The following FIGLA variants were observed in gnomAD, a reference collection of about 807,000 sequenced individuals.
The protein encoded by FIGLA is factor in the germline alpha.
Under a neutral mutation model 21.5 loss-of-function variants are expected in FIGLA, and 17 were observed. That is an observed-to-expected ratio of 0.79 (90% CI 0.54 to 1.19). The LOEUF is 1.19. Ranked by LOEUF, FIGLA falls within the 50% of genes most tolerant of loss-of-function variation. The pLI, the probability that FIGLA is intolerant of heterozygous loss-of-function variation, is 0.00. For missense variants in FIGLA, 282 were observed against 285.0 expected (o/e 0.99, Z 0.08); for synonymous variants, 129 against 117.6 (o/e 1.10, Z -0.63).
intron 3 of FIGLA, among the ~76,000 whole-genome samples, chr2:70,783,360 C>T (rs1336824001): frequency 6.6e-6 from 1 of 152,250 alleles, no homozygotes; most frequent in African/African-American, 2.4e-5. Context: ...CTGGCTTTTA[C>T]TAGGAAACGT....
chr2:70,787,509 C>G, intron 2 of FIGLA, 140 bp downstream of exon 2: 1 of 927,740 alleles, frequency 1.1e-6, no homozygotes, highest in Admixed American at 2.9e-5. Context: ...CCTTCTCTGT[C>G]AAATAAGGGT....
At chr2:70,778,309 C>G (rs1553388636) in intron 3 of FIGLA, among the ~76,000 whole-genome samples, 1 of 152,118 alleles carries the variant, frequency 6.6e-6, no homozygotes, top group Non-Finnish European at 1.5e-5. Context: ...GTTTGTATAG[C>G]ACAGGGTGGT....
At position 70,790,459 on chromosome 2, in the gene FIGLA, G is replaced by C. The variant is rs575091555; in HGVS notation, c.180C>G (p.Leu60=). The change falls in exon 1 of 5, where the codon CTC becomes CTG. Residue 60 remains leucine (L), a synonymous_variant. Transcript: ENST00000332372. ...PSGGYSSTEN[L]QLVLERRRVA... is the part of the protein sequence containing the mutation. ...CACGCCGCCGCTCCAGCACCAACTG[G>C]AGGTTTTCAGTGGACGAGTAGCCGC... 3 of 1,545,320 alleles carry C rather than the reference G, an allele frequency of 1.9e-6. No individual in the cohort carries two copies. The African/African-American group carries it at 4.1e-5, about 21-fold the overall frequency.
chr2:70,784,479 T>C (rs2104599737), intron 3 of FIGLA, among the ~76,000 whole-genome samples: 1 of 152,344 alleles, frequency 6.6e-6, no homozygotes, highest in East Asian at 1.9e-4. Flanking sequence ...ACAATTATTA[T>C]ACCCATTGCT....
intron 3 of FIGLA, among the ~76,000 whole-genome samples, chr2:70,783,821 TTGAG>T (rs1198500916): frequency 6.6e-6 from 1 of 151,832 alleles, no homozygotes; most frequent in African/African-American, 2.4e-5. Flanking sequence ...CCTCAGCCTC[TTGAG>T]TGAGTAACTG....
intron 3 of FIGLA, among the ~76,000 whole-genome samples, chr2:70,778,760 A>C (rs1644156640): frequency 6.6e-6 from 1 of 152,242 alleles, no homozygotes; most frequent in Admixed American, 6.5e-5. Flanking sequence ...TCTAAGCCAA[A>C]GAGTTTAAGG....
At chr2:70,780,060 C>T (rs1040169103) in intron 3 of FIGLA, among the ~76,000 whole-genome samples, 3 of 152,174 alleles carry the variant, frequency 2.0e-5, no homozygotes, top group Non-Finnish European at 4.4e-5. Flanking sequence ...TCATGGCTCA[C>T]GGCCCTCTCT....
At chr2:70,783,686 G>A (rs1675896785) in intron 3 of FIGLA, among the ~76,000 whole-genome samples, 2 of 151,476 alleles carry the variant, frequency 1.3e-5, no homozygotes, top group African/African-American at 2.4e-5. Context: ...CAGGCTCAAG[G>A]TCTAGCTCAG....
chr2:70,789,848 T>G (rs1435122704), intron 1 of FIGLA, among the ~76,000 whole-genome samples: 1 of 152,072 alleles, frequency 6.6e-6, no homozygotes, highest in Non-Finnish European at 1.5e-5. Flanking sequence ...TGGGAAACAC[T>G]CACTTTATCT....
intron 3 of FIGLA, among the ~76,000 whole-genome samples, chr2:70,778,445 C>A (rs1675800762): frequency 6.6e-6 from 1 of 151,776 alleles, no homozygotes; most frequent in African/African-American, 2.4e-5. Flanking sequence ...ATCAACATTT[C>A]TTTCTTTTTA....
chr2:70,784,131 T>A (rs368386557), intron 3 of FIGLA, among the ~76,000 whole-genome samples: 1 of 152,140 alleles, frequency 6.6e-6, no homozygotes, highest in Non-Finnish European at 1.5e-5. Flanking sequence ...ACTGAGCATA[T>A]GCACAAATGA....
At chr2:70,789,042 G>C (rs1676008012) in intron 1 of FIGLA, among the ~76,000 whole-genome samples, 2 of 152,164 alleles carry the variant, frequency 1.3e-5, no homozygotes, top group South Asian at 4.1e-4. Flanking sequence ...TTTTTGGACA[G>C]ACTATGCAGT....
At chr2:70,783,215 C>T (rs909801895) in intron 3 of FIGLA, among the ~76,000 whole-genome samples, 15 of 152,186 alleles carry the variant, frequency 9.9e-5, no homozygotes, top group African/African-American at 3.6e-4. Flanking sequence ...CTATAAAAAT[C>T]TCAAACGTCG....
In FIGLA at chr2:70,788,773, A is replaced by G. The variant is rs1167268457; in HGVS notation, c.232-972T>C. 5.3e-5 allele frequency among the ~76,000 whole-genome samples: 8 copies of G among 152,356 alleles called. No homozygotes were observed. The East Asian group carries it at 1.3e-3, about 26-fold the overall frequency. On this transcript the variant is annotated intron_variant, in intron 1 of 4. Coordinates refer to ENST00000332372, the MANE Select transcript of FIGLA (RefSeq NM_001004311.3). ...TTTTTGTTTTATCATACCCAGGATA[A>G]GGGATAGCTTGAAAAAGAGAACAGT...
intron 3 of FIGLA, among the ~76,000 whole-genome samples, chr2:70,784,940 C>A (rs1177329635): frequency 3.2e-5 from 3 of 94,900 alleles, no homozygotes; most frequent in African/African-American, 5.5e-5. Context: ...CACCACCCCC[C>A]ACCACAAAAA....
At chr2:70,786,336 G>A (rs1050220896) in intron 2 of FIGLA, among the ~76,000 whole-genome samples, 5 of 150,722 alleles carry the variant, frequency 3.3e-5, no homozygotes, top group African/African-American at 9.8e-5. Flanking sequence ...ACAGAGTCTC[G>A]CTCTGTTGCC....
At chr2:70,780,310 G>A (rs1350543448) in intron 3 of FIGLA, among the ~76,000 whole-genome samples, 1 of 152,152 alleles carries the variant, frequency 6.6e-6, no homozygotes, top group East Asian at 1.9e-4. Context: ...GTAGGGAAAA[G>A]GGTGCCACTC....
In FIGLA at chr2:70,790,508, CAGACAGCGGCCAGCTG is replaced by C. The variant is rs1553390733; in HGVS notation, c.115_130del (p.Gln39AlafsTer35). ...GCCCGAGGGCAGCCGCTTGAGCCGG[CAGACAGCGGCCAGCTG>C]GGGCAGCGGCCCGAACTGCTCCCGC... is the stretch of plus-strand genomic sequence containing the variant. On this transcript the variant is annotated frameshift_variant, in exon 1 of 5. Coordinates refer to ENST00000332372, the MANE Select transcript of FIGLA (RefSeq NM_001004311.3). LOFTEE classifies it high-confidence loss of function. The C allele has an allele frequency of 6.5e-7, 1 of 1,541,986 alleles. No individual in the cohort carries two copies. Among genetic ancestry groups the C allele is most frequent in the Non-Finnish European group, 8.7e-7 (1 of 1,146,394 alleles).
At chr2:70,786,712 C>T (rs1418792989) in intron 2 of FIGLA, among the ~76,000 whole-genome samples, 3 of 152,154 alleles carry the variant, frequency 2.0e-5, no homozygotes, top group Non-Finnish European at 4.4e-5. Flanking sequence ...TGATGCCCAG[C>T]CCAATTCTCT....
Sources: gnomAD v4.1 joint callset for allele counts (sites outside exome capture counted in the v4.1 genomes callset) on GRCh38, gnomAD v4.1.1 for gene constraint, MANE v1.5 for transcripts, NCBI Gene and HGNC (gene_info 2026-07-23, HGNC 2026-07-21) for gene names.